Variants in NXPH1 observed in about 807,000 individuals in gnomAD.
NXPH1 encodes the protein neurexophilin 1.
NXPH1 carries 5 observed loss-of-function variants against 23.7 expected under a neutral mutation model. The observed-to-expected ratio is 0.21, with a 90% confidence interval of 0.11 to 0.44. The LOEUF (loss-of-function observed/expected upper bound fraction) is 0.44. Among genes scored for constraint, NXPH1 ranks in the 20% least tolerant of loss-of-function variants. NXPH1 has a pLI of 0.99. For missense variants in NXPH1, 324 were observed against 321.6 expected, an observed-to-expected ratio of 1.01 and a Z score of -0.06; for synonymous variants, 144 against 122.2, an observed-to-expected ratio of 1.18 and a Z score of -1.18.
At chr7:8,682,646 C>T (rs577596212) in intron 2 of NXPH1, among the ~76,000 whole-genome samples, 56 of 152,278 alleles carry the variant, frequency 3.7e-4, no homozygotes, top group Non-Finnish European at 7.8e-4. Flanking sequence ...AATATAATCT[C>T]ATGCCTCTAG....
intron 2 of NXPH1, among the ~76,000 whole-genome samples, chr7:8,461,836 C>CAAAAAAA (rs748848772): frequency 3.4e-4 from 14 of 41,732 alleles, no homozygotes; most frequent in East Asian, 1.2e-3. Context: ...GACTCCGTCT[C>CAAAAAAA]AAAAAAAAAA....
intron 2 of NXPH1, among the ~76,000 whole-genome samples, chr7:8,479,124 A>G (rs1817029450): frequency 6.6e-6 from 1 of 152,152 alleles, no homozygotes; most frequent in Admixed American, 6.5e-5. Flanking sequence ...ACATATAGTT[A>G]CTTGTAGAAC....
At chr7:8,610,061 C>T (rs865927359) in intron 2 of NXPH1, among the ~76,000 whole-genome samples, 2 of 152,040 alleles carry the variant, frequency 1.3e-5, no homozygotes, top group Non-Finnish European at 2.9e-5. Context: ...ATGAAGAATT[C>T]ATAACATTTT....
intron 2 of NXPH1, among the ~76,000 whole-genome samples, chr7:8,486,330 C>T (rs915616161): frequency 6.6e-6 from 1 of 152,160 alleles, no homozygotes; most frequent in Admixed American, 6.6e-5. Context: ...AGCTAGGAAG[C>T]AAGGCCTTGG....
At chr7:8,592,063 A>C (rs10277524) in intron 2 of NXPH1, among the ~76,000 whole-genome samples, 60,020 of 151,700 alleles carry the variant, frequency 0.4, 14,959 homozygotes, top group African/African-American at 0.72. Context: ...GGAGAGGCGA[A>C]AGATTGTCAA....
In NXPH1 at chr7:8,623,320, CA is replaced by C. The variant is rs1819914973; in HGVS notation, c.55-127685del. Among the ~76,000 whole-genome samples, 6 of 152,106 alleles carry C rather than the reference CA, an allele frequency of 3.9e-5. No homozygotes were observed. The South Asian group carries it at 1.2e-3, about 32-fold the overall frequency. On this transcript the variant is annotated intron_variant, in intron 2 of 2. Coordinates refer to ENST00000405863, the MANE Select transcript of NXPH1 (RefSeq NM_152745.3). ...GGGAAATTGGATGAAATAACTAACA[CA>C]AACTACAAAGTGATTGGAACAGGTC...
chr7:8,744,698 A>G (rs930695150), intron 2 of NXPH1, among the ~76,000 whole-genome samples: 6 of 152,092 alleles, frequency 3.9e-5, no homozygotes, highest in South Asian at 2.1e-4. Context: ...CAATATTTCT[A>G]TGAGTTTTAA....
intron 2 of NXPH1, among the ~76,000 whole-genome samples, chr7:8,725,865 C>G (rs1275320591): frequency 6.6e-6 from 1 of 152,040 alleles, no homozygotes; most frequent in African/African-American, 2.4e-5. Flanking sequence ...GTTCTGAGCA[C>G]TGTCCATGCA....
rs1262290860 is a variant in NXPH1, at chr7:8,434,573, G to A, written c.-293G>A. 6.5e-6 allele frequency: 1 copy of A among 152,716 alleles called. No homozygotes were observed. The allele number at this position is 152,716 out of a possible 1,614,324, so 9.5% of individuals were successfully genotyped here. ...CGAACCAATCCTGAGCGCGACCCGGGCACTGGGACGGCGACTCCGCCAAAG... is the reference window on the plus strand; with the variant it reads ...CGAACCAATCCTGAGCGCGACCCGGACACTGGGACGGCGACTCCGCCAAAG... On this transcript the variant is annotated 5_prime_UTR_variant, in exon 1 of 3. Coordinates refer to ENST00000405863, the MANE Select transcript of NXPH1 (RefSeq NM_152745.3). The surrounding 1 kb of genome is among the most constrained non-coding windows in gnomAD (Gnocchi z 7.6).
At chr7:8,622,846 G>A (rs1562431656) in intron 2 of NXPH1, among the ~76,000 whole-genome samples, 1 of 152,178 alleles carries the variant, frequency 6.6e-6, no homozygotes. Context: ...TGAATATTTT[G>A]AGGTGGGACA....
At chr7:8,535,093 T>G (rs1818007294) in intron 2 of NXPH1, among the ~76,000 whole-genome samples, 1 of 152,102 alleles carries the variant, frequency 6.6e-6, no homozygotes, top group Admixed American at 6.6e-5. Context: ...ACTACTATCT[T>G]TCCTTGTATC....
Position 8,680,124 on chromosome 7 carries a change from G to T in NXPH1, c.55-70884G>T, listed in dbSNP as rs554880895. ...ATCAACAGCATAAAGCTTTTATTCA[G>T]TGCCATTTGTGGGTTTTCCTATGCT... On this transcript the variant is annotated intron_variant, in intron 2 of 2. Coordinates refer to ENST00000405863, the MANE Select transcript of NXPH1 (RefSeq NM_152745.3). 2.0e-5 allele frequency among the ~76,000 whole-genome samples: 3 copies of T among 152,350 alleles called. No homozygotes were observed. The South Asian group carries it at 6.2e-4, about 32-fold the overall frequency.
chr7:8,635,307 T>C (rs1820201545), intron 2 of NXPH1, among the ~76,000 whole-genome samples: 1 of 152,234 alleles, frequency 6.6e-6, no homozygotes, highest in African/African-American at 2.4e-5. Context: ...TGTTGCCTTT[T>C]GCCCTAAAAT....
intron 2 of NXPH1, among the ~76,000 whole-genome samples, chr7:8,445,290 C>T (rs750413227): frequency 3.9e-5 from 6 of 152,056 alleles, no homozygotes; most frequent in Admixed American, 2.0e-4. Context: ...CCCAATAAAG[C>T]GAAAAAGACA....
intron 2 of NXPH1, among the ~76,000 whole-genome samples, chr7:8,523,584 G>A (rs1204181806): frequency 6.6e-6 from 1 of 152,132 alleles, no homozygotes; most frequent in South Asian, 2.1e-4. Context: ...AGATACATTT[G>A]GGGAAACTTG....
intron 2 of NXPH1, among the ~76,000 whole-genome samples, chr7:8,499,860 C>T (rs1817402547): frequency 6.6e-6 from 1 of 152,060 alleles, no homozygotes; most frequent in South Asian, 2.1e-4. Context: ...GAGGGAAGGA[C>T]TGGGCCAGCA....
intron 2 of NXPH1, among the ~76,000 whole-genome samples, chr7:8,646,998 G>A (rs1204392697): frequency 1.3e-5 from 2 of 151,980 alleles, no homozygotes; most frequent in Admixed American, 6.6e-5. Context: ...AGAAGAAGGT[G>A]GAGGAGTATC....
At chr7:8,535,850 G>T (rs35577848) in intron 2 of NXPH1, among the ~76,000 whole-genome samples, 1 of 152,042 alleles carries the variant, frequency 6.6e-6, no homozygotes, top group Non-Finnish European at 1.5e-5. Flanking sequence ...AAGGCAATAC[G>T]TGGTGGCAGA....
intron 2 of NXPH1, among the ~76,000 whole-genome samples, chr7:8,621,506 A>ATTTTTTTTTTTTTTTTTTTTTTTT (rs1819870642): frequency 2.2e-5 from 3 of 138,138 alleles, no homozygotes; most frequent in East Asian, 2.9e-4. Flanking sequence ...TTTTTTTTTG[A>ATTTTTTTTTTTTTTTTTTTTTTTT]GGTGAAGTTT....
Sources: allele counts gnomAD v4.1 joint callset (sites outside exome capture counted in the v4.1 genomes callset), GRCh38; gene constraint gnomAD v4.1.1; non-coding constraint Gnocchi (gnomAD v3.1); transcripts MANE v1.5; gene names NCBI Gene and HGNC (gene_info 2026-07-23, HGNC 2026-07-21).